The following PRELID2 variants were observed in gnomAD, a reference collection of about 807,000 sequenced individuals.
PRELID2 encodes the protein PRELI domain-containing protein 2.
PRELID2 carries 25 observed loss-of-function variants against 28.4 expected under a neutral mutation model. That is an observed-to-expected ratio of 0.88 (90% CI 0.64 to 1.23). The LOEUF (loss-of-function observed/expected upper bound fraction) is 1.23. PRELID2 is among the 50% of genes most tolerant of loss of function. The pLI is 0.00. For missense variants in PRELID2, 201 were observed against 214.4 expected (o/e 0.94, Z 0.39); for synonymous variants, 76 against 71.6 (o/e 1.06, Z -0.31).
At chr5:145,679,080 G>A (rs1341874078) in intron 1 of PRELID2, among the ~76,000 whole-genome samples, 1 of 152,138 alleles carries the variant, frequency 6.6e-6, no homozygotes, top group Non-Finnish European at 1.5e-5. Context: ...GCAGTCCTCT[G>A]CATTTGGGAA....
At chr5:145,654,628 G>A (rs1202381856) in intron 1 of PRELID2, among the ~76,000 whole-genome samples, 1 of 152,056 alleles carries the variant, frequency 6.6e-6, no homozygotes, top group Admixed American at 6.6e-5. Flanking sequence ...CAGCATATAA[G>A]CAGAAACAAA....
the PRELID2 span, among the ~76,000 whole-genome samples, chr5:145,457,855 C>T: frequency 2.0e-5 from 3 of 152,154 alleles, no homozygotes; most frequent in Non-Finnish European, 2.9e-5. Context: ...CAGTAGAAAC[C>T]AGGGGTCTTT....
the PRELID2 span, among the ~76,000 whole-genome samples, chr5:145,339,382 C>T: frequency 6.6e-6 from 1 of 152,150 alleles, no homozygotes; most frequent in African/African-American, 2.4e-5. Flanking sequence ...ATATCCAGGG[C>T]TTCACATTCC....
the PRELID2 span, among the ~76,000 whole-genome samples, chr5:145,414,612 C>T: frequency 6.6e-6 from 1 of 152,146 alleles, no homozygotes; most frequent in East Asian, 1.9e-4. Context: ...AGTAGGCCTT[C>T]AATAAATATT....
At chr5:145,334,615 G>A in the PRELID2 span, among the ~76,000 whole-genome samples, 189 of 152,176 alleles carry the variant, frequency 1.2e-3, 1 homozygote, top group African/African-American at 4.4e-3. Flanking sequence ...CTAATAATTA[G>A]CATCTTTTAT....
At chr5:145,452,170 G>A in the PRELID2 span, among the ~76,000 whole-genome samples, 10 of 151,880 alleles carry the variant, frequency 6.6e-5, no homozygotes, top group East Asian at 5.8e-4. Flanking sequence ...TTTTCTTCCC[G>A]AAACCAGCAT....
intron 5 of PRELID2, among the ~76,000 whole-genome samples, chr5:145,781,808 C>T (rs1329369101): frequency 1.3e-5 from 2 of 148,600 alleles, no homozygotes; most frequent in Admixed American, 6.8e-5. Context: ...TACAAATACA[C>T]AATTTGTTTT....
chr5:145,657,228 A>C (rs1754411255), intron 1 of PRELID2, among the ~76,000 whole-genome samples: 1 of 152,234 alleles, frequency 6.6e-6, no homozygotes, highest in African/African-American at 2.4e-5. Context: ...GGATTCTGGT[A>C]CATAATTACA....
chr5:145,434,471 G>C, the PRELID2 span, among the ~76,000 whole-genome samples: 1 of 152,196 alleles, frequency 6.6e-6, no homozygotes, highest in Non-Finnish European at 1.5e-5. Context: ...CACATGTACA[G>C]AGACACAGAC....
intron 1 of PRELID2, among the ~76,000 whole-genome samples, chr5:145,541,810 T>C (rs1036950294): frequency 2.0e-5 from 3 of 152,018 alleles, no homozygotes; most frequent in Non-Finnish European, 4.4e-5. Context: ...TTTGAGATAA[T>C]GGGCCATTTC....
intron 1 of PRELID2, among the ~76,000 whole-genome samples, chr5:145,481,111 C>A (rs1369518505): frequency 6.6e-6 from 1 of 152,014 alleles, no homozygotes; most frequent in East Asian, 1.9e-4. Context: ...ATATAATTAT[C>A]GTAAGATAAA....
chr5:145,369,002 TC>T, the PRELID2 span, among the ~76,000 whole-genome samples: 1 of 151,790 alleles, frequency 6.6e-6, no homozygotes. Flanking sequence ...TGTGTGTTGT[TC>T]CCCTCTATGT....
intron 1 of PRELID2, among the ~76,000 whole-genome samples, chr5:145,654,944 A>G (rs1754367599): frequency 6.6e-6 from 1 of 152,124 alleles, no homozygotes; most frequent in African/African-American, 2.4e-5. Flanking sequence ...AATTAGGAAA[A>G]GAGGAAGTCA....
chr5:145,319,215 C>G, the PRELID2 span, among the ~76,000 whole-genome samples: 16 of 152,076 alleles, frequency 1.1e-4, no homozygotes, highest in African/African-American at 3.6e-4. Context: ...GGGGCCTTTG[C>G]TGGGGAACCA....
intron 1 of PRELID2, among the ~76,000 whole-genome samples, chr5:145,585,787 T>A (rs1207440360): frequency 6.6e-6 from 1 of 152,120 alleles, no homozygotes; most frequent in African/African-American, 2.4e-5. Context: ...TCTAGTATAC[T>A]TTCTTCAGTG....
At chr5:145,608,028 G>T (rs964729843) in intron 1 of PRELID2, among the ~76,000 whole-genome samples, 3 of 144,900 alleles carry the variant, frequency 2.1e-5, no homozygotes, top group Non-Finnish European at 3.0e-5. Context: ...CATCGTTGTT[G>T]ATTTAAAGCC....
chr5:145,525,208 A>T (rs1445958567), intron 1 of PRELID2, among the ~76,000 whole-genome samples: 1 of 152,194 alleles, frequency 6.6e-6, no homozygotes, highest in Non-Finnish European at 1.5e-5. Context: ...AGTGAGTGAC[A>T]GGCAGAAATA....
chr5:145,579,737 G>A (rs1580983405), intron 1 of PRELID2, among the ~76,000 whole-genome samples: 1 of 151,968 alleles, frequency 6.6e-6, no homozygotes, highest in Non-Finnish European at 1.5e-5. Flanking sequence ...TCTGAGGAGG[G>A]GTGTTGGCAA....
At chr5:145,810,029 C>G (rs1347223419) in intron 4 of PRELID2, among the ~76,000 whole-genome samples, 2 of 152,270 alleles carry the variant, frequency 1.3e-5, no homozygotes, top group South Asian at 4.1e-4. Context: ...AGACCAGACA[C>G]AAACACAAGA....
Sources: gnomAD v4.1 joint callset for allele counts (sites outside exome capture counted in the v4.1 genomes callset) on GRCh38, gnomAD v4.1.1 for gene constraint, MANE v1.5 for transcripts, NCBI Gene and HGNC (gene_info 2026-07-23, HGNC 2026-07-21) for gene names.